The following TRPC1 variants were observed in gnomAD, a reference collection of about 807,000 sequenced individuals.
TRPC1 encodes the protein short transient receptor potential channel 1.
In TRPC1, 42 loss-of-function variants were observed where a neutral mutation model predicts 88.2. That is an observed-to-expected ratio of 0.48 (90% confidence interval 0.37 to 0.62). TRPC1 has a LOEUF of 0.62. Among genes scored for constraint, TRPC1 ranks in the 20% least tolerant of loss-of-function variants. The pLI is 0.00. For missense variants in TRPC1, 699 were observed against 957.3 expected (o/e 0.73, Z 3.56); for synonymous variants, 288 against 331.8 (o/e 0.87, Z 1.43).
chr3:142,803,051 ACTAC>A (rs1420316919), intron 10 of TRPC1, among the ~76,000 whole-genome samples: 5 of 152,230 alleles, frequency 3.3e-5, no homozygotes, highest in Non-Finnish European at 7.3e-5. Context: ...AGTAAACAAA[ACTAC>A]CCTGATGAAG....
In TRPC1 at chr3:142,736,383, C is replaced by T. The variant is rs2108020998; in HGVS notation, c.177C>T (p.Asp59=). The part of the protein sequence containing the change: ...KLFLLACDKG[D]YYMVKKILEE... ...TGTTTGTATATTGTTATTTAGGTGA[C>T]TATTATATGGTTAAAAAGATTTTGG... The change falls in exon 2 of 13, where the codon GAC becomes GAT. Residue 59 remains aspartate, a synonymous_variant. Transcript: ENST00000476941. The T allele has an allele frequency of 6.3e-7, 1 of 1,598,368 alleles. No homozygotes were observed. Among genetic ancestry groups the T allele is most frequent in the East Asian group, 2.3e-5 (1 of 44,142 alleles).
chr3:142,729,387 T>C (rs978350447), intron 1 of TRPC1, among the ~76,000 whole-genome samples: 2 of 152,238 alleles, frequency 1.3e-5, no homozygotes, highest in African/African-American at 4.8e-5. Context: ...GAATATTCTT[T>C]AATGGAGATG....
chr3:142,746,283 A>G (rs1248435824), intron 3 of TRPC1, among the ~76,000 whole-genome samples: 1 of 152,160 alleles, frequency 6.6e-6, no homozygotes, highest in Non-Finnish European at 1.5e-5. Context: ...TTAATAGTAT[A>G]CAGATTATAT....
chr3:142,733,603 G>A (rs889642857), intron 1 of TRPC1, among the ~76,000 whole-genome samples: 3 of 152,108 alleles, frequency 2.0e-5, no homozygotes, highest in African/African-American at 7.2e-5. Context: ...TAAACATGTA[G>A]CAGTTATTTT....
At chr3:142,805,127 TATACACACACACACACAC>T (rs1405825212) in intron 12 of TRPC1, among the ~76,000 whole-genome samples, 15 of 120,392 alleles carry the variant, frequency 1.2e-4, no homozygotes, top group African/African-American at 4.8e-4. Flanking sequence ...CAAATATATA[TATACACACACACACACAC>T]ACACACACAC....
intron 4 of TRPC1, among the ~76,000 whole-genome samples, chr3:142,751,306 T>C (rs1185800869): frequency 6.6e-6 from 1 of 152,208 alleles, no homozygotes; most frequent in Non-Finnish European, 1.5e-5. Context: ...CATTTTTTAA[T>C]ATTTTATGCT....
intron 4 of TRPC1, among the ~76,000 whole-genome samples, chr3:142,759,282 A>G (rs1186193864): frequency 6.6e-6 from 1 of 152,254 alleles, no homozygotes; most frequent in Non-Finnish European, 1.5e-5. Flanking sequence ...ACTAGTTTAC[A>G]GTCCCACCAA....
At chr3:142,731,747 G>A (rs1200355969) in intron 1 of TRPC1, among the ~76,000 whole-genome samples, 2 of 152,100 alleles carry the variant, frequency 1.3e-5, no homozygotes, top group African/African-American at 4.8e-5. Context: ...AAGGGGTGGG[G>A]CTAGAGCAGG....
chr3:142,804,656 A>G, intron 12 of TRPC1, 26 bp downstream of exon 12: 5 of 1,564,348 alleles, frequency 3.2e-6, no homozygotes, highest in Non-Finnish European at 4.3e-6. Context: ...CTTGAATGGC[A>G]ACATAAAAGT....
At chr3:142,763,983 T>TATATATATATATACAC (rs1441314374) in intron 4 of TRPC1, among the ~76,000 whole-genome samples, 7 of 74,318 alleles carry the variant, frequency 9.4e-5, no homozygotes, top group Admixed American at 2.3e-4. Context: ...TATATATATA[T>TATATATATATATACAC]ACACATACAT....
intron 9 of TRPC1, among the ~76,000 whole-genome samples, chr3:142,800,929 A>G (rs937611756): frequency 6.6e-6 from 1 of 151,944 alleles, no homozygotes; most frequent in Non-Finnish European, 1.5e-5. Context: ...AAAGAAAAAA[A>G]AAAAAAAGTC....
intron 2 of TRPC1, among the ~76,000 whole-genome samples, chr3:142,740,810 G>A (rs1934317889): frequency 6.6e-6 from 1 of 152,200 alleles, no homozygotes; most frequent in Admixed American, 6.5e-5. Context: ...CGAGTGGTAA[G>A]AGAAAGATGG....
Position 142,804,614 on chromosome 3 carries a change from G to C in TRPC1, c.2138G>C (p.Arg713Pro). 6.2e-7 allele frequency: 1 copy of C among 1,602,296 alleles called. No homozygotes were observed. The highest frequency in any genetic ancestry group is 8.5e-7 in the Non-Finnish European group (1 of 1,176,126). Reference protein sequence around the residue: ...CSHTSKGKVKRQNSLKEWRNL... With the variant: ...CSHTSKGKVKPQNSLKEWRNL... ...CATACATCAAAAGGCAAGGTCAAAC[G>C]GCAAAACAGTTTAAAGGTAAGAAAT... The change falls in exon 12 of 13, where the codon CGG (arginine) becomes CCG (proline). Residue 713 changes from arginine (R) to proline (P), a missense_variant. By Grantham distance (103) the Arg-to-Pro change is moderately radical (BLOSUM62 -2). Transcript: ENST00000476941.
intron 4 of TRPC1, among the ~76,000 whole-genome samples, chr3:142,771,755 TA>T (rs1047464658): frequency 1.3e-5 from 2 of 152,188 alleles, no homozygotes; most frequent in African/African-American, 4.8e-5. Context: ...GGCCAAACAT[TA>T]CTTTCTATTC....
In TRPC1 at chr3:142,761,879, A is replaced by G. The variant is rs184827797; in HGVS notation, c.632+13419A>G. Among the ~76,000 whole-genome samples, 262 of 152,166 alleles carry G rather than the reference A, an allele frequency of 1.7e-3. 1 individual carries two copies. Among genetic ancestry groups the G allele is most frequent in the Non-Finnish European group, 1.7e-3 (118 of 67,994 alleles). On this transcript the variant is annotated intron_variant, in intron 4 of 12. Transcript: ENST00000476941. ...TTTGCATATAGTAGTTTATAATATT[A>G]TTTAATGATTCTTTGTATTTCTAAG...
intron 5 of TRPC1, 23 bp from the exon 6 acceptor site, chr3:142,780,811 T>C: frequency 1.3e-6 from 2 of 1,568,442 alleles, no homozygotes; most frequent in Non-Finnish European, 1.7e-6. Context: ...ACGTTTCTGA[T>C]AATAGAATGC....
At chr3:142,786,540 T>G (rs182666374) in intron 7 of TRPC1, among the ~76,000 whole-genome samples, 5 of 152,284 alleles carry the variant, frequency 3.3e-5, no homozygotes, top group Admixed American at 3.3e-4. Flanking sequence ...TTAATATTTT[T>G]ATTTCCTGTA....
chr3:142,730,519 A>G (rs1933856491), intron 1 of TRPC1, among the ~76,000 whole-genome samples: 1 of 151,768 alleles, frequency 6.6e-6, no homozygotes. Context: ...TAATATGGTT[A>G]TAAATACATT....
At chr3:142,805,311 G>A (rs1232187528) in intron 12 of TRPC1, among the ~76,000 whole-genome samples, 1 of 151,846 alleles carries the variant, frequency 6.6e-6, no homozygotes, top group African/African-American at 2.4e-5. Context: ...GCTAAAGAAT[G>A]ACTACTAGAA....
Sources: gnomAD v4.1 joint callset for allele counts (sites outside exome capture counted in the v4.1 genomes callset) on GRCh38, gnomAD v4.1.1 for gene constraint, MANE v1.5 for transcripts, NCBI Gene and HGNC (gene_info 2026-07-23, HGNC 2026-07-21) for gene names.